The following CDK19 variants were observed in gnomAD, a reference collection of about 807,000 sequenced individuals.
CDK19 encodes the protein cyclin-dependent kinase 19.
Under a neutral mutation model 68.3 loss-of-function variants are expected in CDK19, and 20 were observed. The observed-to-expected ratio is 0.29, with a 90% confidence interval of 0.21 to 0.43. The LOEUF (loss-of-function observed/expected upper bound fraction) is 0.43. CDK19 is among the 20% of genes least tolerant of loss of function. CDK19 has a pLI of 1.00. For synonymous variants in CDK19, 221 were observed against 222.8 expected (o/e 0.99, Z 0.07); for missense variants, 339 against 623.5 (o/e 0.54, Z 4.86).
Position 110,632,533 on chromosome 6 carries a change from C to G in CDK19, c.515-372G>C, listed in dbSNP as rs556867415. Among the ~76,000 whole-genome samples the G allele has an allele frequency of 1.8e-3, 276 of 152,228 alleles. 3 individuals are homozygous for G. The highest frequency in any genetic ancestry group is 6.5e-3 in the African/African-American group (268 of 41,548). On this transcript the variant is annotated intron_variant, in intron 5 of 12. Transcript: ENST00000368911. ...ATCACCTAATGTCAAGAGTTAGAGA[C>G]CAGCCTGCACAACATGGTGAAACAC...
At chr6:110,800,372 C>T (rs371489662) in intron 1 of CDK19, among the ~76,000 whole-genome samples, 9 of 152,072 alleles carry the variant, frequency 5.9e-5, no homozygotes, top group Non-Finnish European at 2.9e-5. Context: ...TTCTGCCAGA[C>T]GTACAAAGAA....
intron 1 of CDK19, among the ~76,000 whole-genome samples, chr6:110,784,957 G>C (rs1415027245): frequency 1.3e-5 from 2 of 151,824 alleles, no homozygotes; most frequent in Non-Finnish European, 1.5e-5. Context: ...AGGATACCAG[G>C]GAAATGAGGA....
At position 110,815,313 on chromosome 6, in the gene CDK19, C is replaced by T. The variant is rs566038060; in HGVS notation, c.-177G>A. On this transcript the variant is annotated 5_prime_UTR_variant, in exon 1 of 13. Coordinates refer to ENST00000368911, the MANE Select transcript of CDK19 (RefSeq NM_015076.5). ...CTTCAGCAAGGGACTCCTCGGCGGC[C>T]ACAGCAGCCACCTCCTCCACCTCTT... 1.7e-5 allele frequency: 10 copies of T among 589,580 alleles called. No homozygotes were observed. In the African/African-American group the frequency reaches 2.0e-4, roughly 12 times the overall value. The allele number at this position is 589,580 out of a possible 1,614,324, so 36.5% of individuals were successfully genotyped here. A position where few individuals can be genotyped will look rare whatever the true frequency, so the allele number is the denominator to read the frequency against.
intron 4 of CDK19, among the ~76,000 whole-genome samples, chr6:110,652,688 T>C (rs1282541945): frequency 2.0e-5 from 3 of 152,216 alleles, no homozygotes; most frequent in Non-Finnish European, 4.4e-5. Flanking sequence ...AGCTATCTCT[T>C]GATAGAAGTT....
intron 2 of CDK19, chr6:110,670,768 T>C: frequency 1.6e-6 from 1 of 622,460 alleles, no homozygotes; most frequent in East Asian, 3.3e-5. Context: ...ATATCTGTTT[T>C]GTTTTGTTTT....
chr6:110,697,330 T>C (rs1169819432), intron 2 of CDK19, among the ~76,000 whole-genome samples: 2 of 152,072 alleles, frequency 1.3e-5, no homozygotes, highest in Admixed American at 6.5e-5. Flanking sequence ...AGCACTGCTA[T>C]GCACCAACAG....
chr6:110,654,448 A>G lies in CDK19; in HGVS notation c.456+12986T>C, dbSNP rs981423744. ...GGAGAATCTGATCATTGTGGTTGCA[A>G]CTTCCTAGAGGGCAGGGAGAGTCAT... On this transcript the variant is annotated intron_variant, in intron 4 of 12. Transcript: ENST00000368911. 5.2e-4 allele frequency among the ~76,000 whole-genome samples: 79 copies of G among 152,204 alleles called. 1 individual carries two copies. Among genetic ancestry groups the G allele is most frequent in the Non-Finnish European group, 7.3e-5 (5 of 68,042 alleles).
intron 1 of CDK19, among the ~76,000 whole-genome samples, chr6:110,763,144 T>C (rs1231204140): frequency 1.3e-5 from 2 of 152,180 alleles, no homozygotes; most frequent in Non-Finnish European, 1.5e-5. Context: ...GTATTATATA[T>C]TAAAACTGCC....
At chr6:110,801,521 T>G (rs967154925) in intron 1 of CDK19, among the ~76,000 whole-genome samples, 4 of 150,816 alleles carry the variant, frequency 2.7e-5, no homozygotes, top group Non-Finnish European at 4.4e-5. Flanking sequence ...TTTTGTGTGT[T>G]TTTTTTTTGA....
intron 4 of CDK19, chr6:110,646,142 C>G: frequency 1.1e-6 from 1 of 938,796 alleles, no homozygotes; most frequent in Non-Finnish European, 1.6e-6. Flanking sequence ...CTAACACCTT[C>G]GGCATGGAGA....
intron 5 of CDK19, among the ~76,000 whole-genome samples, chr6:110,632,683 A>G (rs192690288): frequency 2.4e-3 from 362 of 151,738 alleles, no homozygotes; most frequent in Non-Finnish European, 3.6e-3. Context: ...GTGAGCCAAG[A>G]TCACACCACT....
intron 4 of CDK19, among the ~76,000 whole-genome samples, chr6:110,655,128 G>C (rs1243863160): frequency 1.3e-5 from 2 of 152,028 alleles, no homozygotes; most frequent in African/African-American, 4.8e-5. Flanking sequence ...AGCACTTTGG[G>C]AGCCTGAGGT....
Position 110,682,974 on chromosome 6 carries a change from G to A in CDK19, c.205-12433C>T, listed in dbSNP as rs180957586. Among the ~76,000 whole-genome samples, 131 of 152,064 alleles carry A rather than the reference G, an allele frequency of 8.6e-4. 1 individual carries two copies. In the East Asian group the frequency reaches 0.024, roughly 28 times the overall value. The stretch of plus-strand genomic sequence containing the variant: ...GTGGATCACCTGAGGTCAGGAGTTC[G>A]AGACCAGCCTGGCCAATATGGTGAA... On this transcript the variant is annotated intron_variant, in intron 2 of 12. Coordinates refer to ENST00000368911, the MANE Select transcript of CDK19 (RefSeq NM_015076.5).
intron 2 of CDK19, among the ~76,000 whole-genome samples, chr6:110,679,123 C>T (rs1016585502): frequency 6.6e-6 from 1 of 151,832 alleles, no homozygotes; most frequent in Non-Finnish European, 1.5e-5. Flanking sequence ...AGTCTGGTCA[C>T]ACAGCAAGAG....
chr6:110,676,277 G>C (rs1771528710), intron 2 of CDK19, among the ~76,000 whole-genome samples: 1 of 152,132 alleles, frequency 6.6e-6, no homozygotes. Context: ...GTTTGGATAA[G>C]GAGTTGCTTC....
At chr6:110,734,928 A>G (rs910668574) in intron 2 of CDK19, among the ~76,000 whole-genome samples, 12 of 152,192 alleles carry the variant, frequency 7.9e-5, no homozygotes, top group Non-Finnish European at 8.8e-5. Context: ...AATTGGTACA[A>G]TAGTAAATAT....
At chr6:110,744,324 T>C (rs1451310128) in intron 2 of CDK19, among the ~76,000 whole-genome samples, 1 of 151,938 alleles carries the variant, frequency 6.6e-6, no homozygotes, top group East Asian at 1.9e-4. Flanking sequence ...TACCACTTTA[T>C]AATCAATGGA....
intron 1 of CDK19, among the ~76,000 whole-genome samples, chr6:110,811,633 A>C (rs1328234535): frequency 6.6e-6 from 1 of 152,182 alleles, no homozygotes; most frequent in Admixed American, 6.5e-5. Context: ...GAAATTTGTA[A>C]CCATAAATTG....
At chr6:110,784,050 T>C (rs1484058881) in intron 1 of CDK19, among the ~76,000 whole-genome samples, 1 of 149,384 alleles carries the variant, frequency 6.7e-6, no homozygotes, top group African/African-American at 2.5e-5. Flanking sequence ...TATCAGCTAC[T>C]CGGGAGGCTG....
Sources: allele counts gnomAD v4.1 joint callset (sites outside exome capture counted in the v4.1 genomes callset), GRCh38; gene constraint gnomAD v4.1.1; transcripts MANE v1.5; gene names NCBI Gene and HGNC (gene_info 2026-07-23, HGNC 2026-07-21).